The following SLC35D4 variants were observed in gnomAD, a reference collection of about 807,000 sequenced individuals.
The protein encoded by SLC35D4 is UDP-N-acetylglucosamine transporter SLC35D4.
At chr18:23,364,593 C>T in the SLC35D4 span, among the ~76,000 whole-genome samples, 1 of 152,068 alleles carries the variant, frequency 6.6e-6, no homozygotes, top group African/African-American at 2.4e-5. Flanking sequence ...GTAATTGAGG[C>T]AGTAAGATAC....
chr18:23,243,479 T>G, the SLC35D4 span, among the ~76,000 whole-genome samples: 1 of 150,860 alleles, frequency 6.6e-6, no homozygotes, highest in Non-Finnish European at 1.5e-5. Flanking sequence ...TTTTTTTTTT[T>G]TTTTTTTTTT....
chr18:23,348,845 A>G, the SLC35D4 span, among the ~76,000 whole-genome samples: 13 of 152,350 alleles, frequency 8.5e-5, no homozygotes, highest in South Asian at 2.7e-3. Flanking sequence ...TATTTAATGT[A>G]ATTACGGATA....
chr18:23,270,430 G>T, the SLC35D4 span, among the ~76,000 whole-genome samples: 1 of 152,210 alleles, frequency 6.6e-6, no homozygotes, highest in African/African-American at 2.4e-5. Context: ...AGTGTGGATG[G>T]GAAATGTGGG....
the SLC35D4 span, among the ~76,000 whole-genome samples, chr18:23,411,770 A>C: frequency 6.6e-6 from 1 of 152,218 alleles, no homozygotes; most frequent in African/African-American, 2.4e-5. Flanking sequence ...CTGATGAACA[A>C]AGCATTTTAT....
chr18:23,284,623 C>T, the SLC35D4 span, among the ~76,000 whole-genome samples: 15 of 152,214 alleles, frequency 9.9e-5, no homozygotes, highest in Non-Finnish European at 1.3e-4. Context: ...GCCTTGGGAT[C>T]GCTTTCTCAG....
chr18:23,342,652 T>C, the SLC35D4 span, among the ~76,000 whole-genome samples: 1 of 152,216 alleles, frequency 6.6e-6, no homozygotes, highest in African/African-American at 2.4e-5. Context: ...TACCAAACTG[T>C]TTTTGAAAGT....
At chr18:23,290,186 A>G in the SLC35D4 span, among the ~76,000 whole-genome samples, 1 of 152,172 alleles carries the variant, frequency 6.6e-6, no homozygotes, top group South Asian at 2.1e-4. Flanking sequence ...CTTCCTCAGC[A>G]CCTCCCACAC....
At chr18:23,283,457 G>C in the SLC35D4 span, among the ~76,000 whole-genome samples, 4 of 115,284 alleles carry the variant, frequency 3.5e-5, no homozygotes, top group Admixed American at 1.2e-4. Context: ...GGACAACACA[G>C]AGAGACCCAG....
At chr18:23,398,842 A>G in the SLC35D4 span, among the ~76,000 whole-genome samples, 1 of 152,244 alleles carries the variant, frequency 6.6e-6, no homozygotes, top group Non-Finnish European at 1.5e-5. Flanking sequence ...CCAAAGTCAG[A>G]ATACAACTAT....
the SLC35D4 span, among the ~76,000 whole-genome samples, chr18:23,246,631 T>C: frequency 2.0e-5 from 3 of 151,606 alleles, no homozygotes; most frequent in Non-Finnish European, 4.4e-5. Flanking sequence ...GACCTTGTGA[T>C]CCGCCCACCT....
At chr18:23,375,510 A>G in the SLC35D4 span, among the ~76,000 whole-genome samples, 1 of 152,256 alleles carries the variant, frequency 6.6e-6, no homozygotes, top group Non-Finnish European at 1.5e-5. Flanking sequence ...AGAATACATG[A>G]GAGCTCACTG....
the SLC35D4 span, among the ~76,000 whole-genome samples, chr18:23,364,661 T>C: frequency 6.6e-6 from 1 of 152,030 alleles, no homozygotes; most frequent in Non-Finnish European, 1.5e-5. Flanking sequence ...TCCCAGCACT[T>C]TGGGAGGCCA....
At chr18:23,311,320 G>GAGGTCAAGGC in the SLC35D4 span, among the ~76,000 whole-genome samples, 3,741 of 151,710 alleles carry the variant, frequency 0.025, 51 homozygotes, top group Middle Eastern at 0.054. Flanking sequence ...TTGAACTCCT[G>GAGGTCAAGGC]GGCTCAAGCA....
the SLC35D4 span, among the ~76,000 whole-genome samples, chr18:23,246,832 A>G: frequency 6.6e-6 from 1 of 150,782 alleles, no homozygotes. Flanking sequence ...AGCTGAGGCT[A>G]TAGGCATGCA....
At chr18:23,298,759 G>A in the SLC35D4 span, among the ~76,000 whole-genome samples, 1 of 152,206 alleles carries the variant, frequency 6.6e-6, no homozygotes, top group Admixed American at 6.5e-5. Context: ...TGGGGCCTGT[G>A]CTGGGCCATC....
the SLC35D4 span, among the ~76,000 whole-genome samples, chr18:23,384,285 T>C: frequency 6.6e-6 from 1 of 151,868 alleles, no homozygotes; most frequent in Non-Finnish European, 1.5e-5. Context: ...AGCAAGACCC[T>C]GTCTCTAAAA....
chr18:23,389,535 T>C, the SLC35D4 span, among the ~76,000 whole-genome samples: 781 of 152,110 alleles, frequency 5.1e-3, 6 homozygotes, highest in African/African-American at 0.018. Flanking sequence ...TTAAAAACAA[T>C]ATTAAGACAG....
At chr18:23,364,817 G>A in the SLC35D4 span, among the ~76,000 whole-genome samples, 1 of 141,358 alleles carries the variant, frequency 7.1e-6, no homozygotes, top group African/African-American at 2.6e-5. Flanking sequence ...GCAGGAGAAT[G>A]GCTTGAACCT....
the SLC35D4 span, among the ~76,000 whole-genome samples, chr18:23,407,316 T>C: frequency 6.6e-6 from 1 of 152,186 alleles, no homozygotes; most frequent in Admixed American, 6.5e-5. Context: ...CTTCTGGCTT[T>C]TCTATACATC....
Sources: allele counts gnomAD v4.1 joint callset (sites outside exome capture counted in the v4.1 genomes callset), GRCh38; gene constraint gnomAD v4.1.1; transcripts MANE v1.5; gene names NCBI Gene and HGNC (gene_info 2026-07-23, HGNC 2026-07-21).